The following ROBO2 variants were observed in gnomAD, a reference collection of about 807,000 sequenced individuals.
ROBO2 encodes the protein roundabout homolog 2.
In ROBO2, 53 loss-of-function variants were observed where a neutral mutation model predicts 160.8. The ratio of observed to expected loss-of-function variants is 0.33; its 90% CI spans 0.26 to 0.41. The LOEUF (loss-of-function observed/expected upper bound fraction) is 0.41, where lower values mean the gene tolerates loss of function less well. Ranked by LOEUF, ROBO2 falls within the 10% of genes least tolerant of loss-of-function variation. ROBO2 has a pLI of 1.00. For missense variants in ROBO2, 1,577 were observed against 1,722.4 expected (o/e 0.92, Z 1.49); for synonymous variants, 664 against 611.7 (o/e 1.09, Z -1.26).
intron 2 of ROBO2, among the ~76,000 whole-genome samples, chr3:76,854,352 G>A (rs1456186579): frequency 2.0e-5 from 3 of 152,058 alleles, no homozygotes; most frequent in Admixed American, 1.3e-4. Context: ...AGGTAAACTT[G>A]TATAGATCCA....
intron 6 of ROBO2, among the ~76,000 whole-genome samples, chr3:77,534,128 T>C (rs2091936494): frequency 6.6e-6 from 1 of 152,146 alleles, no homozygotes; most frequent in African/African-American, 2.4e-5. Context: ...CTTCAAACTT[T>C]GCTGCATTTG....
intron 2 of ROBO2, among the ~76,000 whole-genome samples, chr3:76,637,700 G>C (rs2090416701): frequency 6.6e-6 from 1 of 152,136 alleles, no homozygotes; most frequent in African/African-American, 2.4e-5. Context: ...GAGCCATTAA[G>C]TAATAGAAGA....
chr3:77,530,593 G>A (rs2091621348), intron 6 of ROBO2, among the ~76,000 whole-genome samples: 1 of 152,008 alleles, frequency 6.6e-6, no homozygotes, highest in African/African-American at 2.4e-5. Flanking sequence ...GCCAACAGAG[G>A]AAAGTGTTTT....
At chr3:75,910,958 A>G (rs1946552112) in intron 1 of ROBO2, among the ~76,000 whole-genome samples, 1 of 151,842 alleles carries the variant, frequency 6.6e-6, no homozygotes, top group Non-Finnish European at 1.5e-5. Flanking sequence ...TAAATATTAT[A>G]AAAGTTATAG....
chr3:77,511,242 T>C (rs1341898449), intron 5 of ROBO2, among the ~76,000 whole-genome samples: 1 of 151,934 alleles, frequency 6.6e-6, no homozygotes, highest in African/African-American at 2.4e-5. Context: ...ACCATGGGAA[T>C]GTAAGATGGG....
intron 2 of ROBO2, among the ~76,000 whole-genome samples, chr3:76,222,265 G>T (rs1191649553): frequency 1.3e-5 from 2 of 152,140 alleles, no homozygotes; most frequent in Non-Finnish European, 2.9e-5. Flanking sequence ...ATCTGACTGA[G>T]AGGCATAAGG....
At chr3:76,421,638 A>T (rs2076000322) in intron 2 of ROBO2, among the ~76,000 whole-genome samples, 1 of 151,872 alleles carries the variant, frequency 6.6e-6, no homozygotes, top group Non-Finnish European at 1.5e-5. Flanking sequence ...AGGCAGGAGA[A>T]TCACCTGAAC....
intron 2 of ROBO2, among the ~76,000 whole-genome samples, chr3:76,532,192 A>G (rs1372101954): frequency 6.6e-6 from 1 of 152,188 alleles, no homozygotes; most frequent in Non-Finnish European, 1.5e-5. Context: ...AAGCTTCTCC[A>G]TACAATAGCT....
At chr3:77,431,846 G>A (rs1266334654) in intron 2 of ROBO2, among the ~76,000 whole-genome samples, 6 of 152,082 alleles carry the variant, frequency 3.9e-5, no homozygotes, top group Non-Finnish European at 7.4e-5. Context: ...AGTCTATAAG[G>A]AAGTCTACAA....
chr3:76,526,971 G>C (rs1255929484), intron 2 of ROBO2, among the ~76,000 whole-genome samples: 1 of 152,030 alleles, frequency 6.6e-6, no homozygotes, highest in East Asian at 1.9e-4. Flanking sequence ...AAGCCACAAT[G>C]ATGTATGTTG....
At chr3:77,140,358 A>C (rs1028409185) in intron 2 of ROBO2, among the ~76,000 whole-genome samples, 3 of 152,190 alleles carry the variant, frequency 2.0e-5, no homozygotes, top group African/African-American at 4.8e-5. Context: ...GAATACAGAC[A>C]CTCAATTCAG....
At chr3:76,957,918 G>A (rs1247302138) in intron 2 of ROBO2, among the ~76,000 whole-genome samples, 1 of 152,154 alleles carries the variant, frequency 6.6e-6, no homozygotes, top group African/African-American at 2.4e-5. Flanking sequence ...GGATGAGATG[G>A]AAGGGGGACT....
At chr3:76,656,672 T>A (rs1242606156) in intron 2 of ROBO2, among the ~76,000 whole-genome samples, 1 of 152,154 alleles carries the variant, frequency 6.6e-6, no homozygotes, top group African/African-American at 2.4e-5. Context: ...AGAAACTGAC[T>A]AAAGCTAAAT....
At chr3:76,069,959 A>G (rs1346623471) in intron 2 of ROBO2, among the ~76,000 whole-genome samples, 3 of 152,186 alleles carry the variant, frequency 2.0e-5, no homozygotes, top group Non-Finnish European at 4.4e-5. Flanking sequence ...TTTCACGGAC[A>G]CTTATCACTT....
At chr3:76,182,572 A>G (rs1007053458) in intron 2 of ROBO2, among the ~76,000 whole-genome samples, 2 of 152,092 alleles carry the variant, frequency 1.3e-5, no homozygotes, top group African/African-American at 4.8e-5. Flanking sequence ...CTAAATCTCT[A>G]TAGGAGCAAA....
At chr3:76,061,394 T>C (rs1260594332) in intron 2 of ROBO2, among the ~76,000 whole-genome samples, 1 of 152,184 alleles carries the variant, frequency 6.6e-6, no homozygotes, top group Non-Finnish European at 1.5e-5. Flanking sequence ...GGGATTTTCT[T>C]TTTTTGGTAA....
intron 8 of ROBO2, among the ~76,000 whole-genome samples, chr3:77,555,736 G>A (rs886716984): frequency 6.6e-6 from 1 of 151,870 alleles, no homozygotes; most frequent in Non-Finnish European, 1.5e-5. Flanking sequence ...ATGGTTTATT[G>A]AGTATTTATA....
chr3:76,722,204 G>A (rs981273859), intron 2 of ROBO2, among the ~76,000 whole-genome samples: 3 of 152,072 alleles, frequency 2.0e-5, no homozygotes, highest in Non-Finnish European at 4.4e-5. Context: ...ATCTTAGATG[G>A]AAAACTTTGT....
intron 2 of ROBO2, among the ~76,000 whole-genome samples, chr3:76,058,755 C>T (rs566266932): frequency 0.019 from 2,825 of 147,962 alleles, 112 homozygotes; most frequent in African/African-American, 0.068. Context: ...CCCATTAACT[C>T]GTTGTTTGGC....
Sources: allele counts gnomAD v4.1 joint callset (sites outside exome capture counted in the v4.1 genomes callset), GRCh38; gene constraint gnomAD v4.1.1; transcripts MANE v1.5; gene names NCBI Gene and HGNC (gene_info 2026-07-23, HGNC 2026-07-21).